Variants in DAW1 observed in about 807,000 individuals in gnomAD.
DAW1 encodes dynein assembly factor with WD repeat domains 1.
A neutral mutation model predicts 56.5 loss-of-function variants in DAW1; 47 were observed. The observed-to-expected ratio is 0.83, with a 90% confidence interval of 0.66 to 1.06. The LOEUF is 1.06. Ranked by LOEUF, DAW1 falls within the 50% of genes least tolerant of loss-of-function variation. The pLI, the probability that DAW1 is intolerant of heterozygous loss-of-function variation, is 0.00. For missense variants in DAW1, 505 were observed against 499.3 expected, an observed-to-expected ratio of 1.01 and a Z score of -0.11; for synonymous variants, 190 against 179.0, an observed-to-expected ratio of 1.06 and a Z score of -0.49.
chr2:227,887,136 T>A (rs557658937), intron 2 of DAW1, among the ~76,000 whole-genome samples: 4 of 152,312 alleles, frequency 2.6e-5, no homozygotes, highest in Non-Finnish European at 5.9e-5. Context: ...TGATGGTCTA[T>A]GTAGGGTCCA....
At chr2:227,891,986 A>G (rs1447196312) in intron 4 of DAW1, among the ~76,000 whole-genome samples, 3 of 152,036 alleles carry the variant, frequency 2.0e-5, no homozygotes, top group South Asian at 4.1e-4. Context: ...TTTGCTGGCA[A>G]TCTTTGGTGT....
At chr2:227,895,942 G>A (rs1450912950) in intron 5 of DAW1, among the ~76,000 whole-genome samples, 2 of 151,974 alleles carry the variant, frequency 1.3e-5, no homozygotes, top group African/African-American at 2.4e-5. Flanking sequence ...CTTGGGAAGG[G>A]GCAGGAAGAA....
chr2:227,871,673 G>A lies in DAW1; in HGVS notation c.-17G>A. 1 of 1,613,038 alleles carries A rather than the reference G, an allele frequency of 6.2e-7. No individual in the cohort carries two copies. Among genetic ancestry groups the A allele is most frequent in the Non-Finnish European group, 8.5e-7 (1 of 1,179,530 alleles). ...AAGGCTACGAAGCCCATCGGCCGGG[G>A]ATAAGAGAGCAAGAAAATGAAGCTC... On this transcript the variant is annotated 5_prime_UTR_variant, in exon 1 of 13. Coordinates refer to ENST00000309931, the MANE Select transcript of DAW1 (RefSeq NM_178821.3).
intron 11 of DAW1, 68 bp from the exon 12 acceptor site, chr2:227,921,331 T>TGTTTTAAAAAAA: frequency 3.4e-6 from 1 of 295,578 alleles, no homozygotes; most frequent in Non-Finnish European, 5.3e-6. Context: ...TTTTTTTTTT[T>TGTTTTAAAAAAA]TTGCTGATAA....
At chr2:227,923,218 T>C (rs548962750) in intron 12 of DAW1, among the ~76,000 whole-genome samples, 2 of 152,334 alleles carry the variant, frequency 1.3e-5, no homozygotes, top group African/African-American at 4.8e-5. Flanking sequence ...GAGCAGTCAC[T>C]TTATTTGAAA....
At chr2:227,909,161 C>A (rs1691757510) in intron 10 of DAW1, among the ~76,000 whole-genome samples, 4 of 151,390 alleles carry the variant, frequency 2.6e-5, no homozygotes, top group Non-Finnish European at 5.9e-5. Context: ...AGTATTTATA[C>A]CTCATTGCCC....
At chr2:227,898,635 A>G (rs1207224350) in intron 6 of DAW1, among the ~76,000 whole-genome samples, 1 of 151,952 alleles carries the variant, frequency 6.6e-6, no homozygotes, top group African/African-American at 2.4e-5. Flanking sequence ...ATTATATTTT[A>G]TGTTGCTGTT....
At chr2:227,886,589 C>T (rs1691135943) in intron 2 of DAW1, among the ~76,000 whole-genome samples, 1 of 152,112 alleles carries the variant, frequency 6.6e-6, no homozygotes, top group African/African-American at 2.4e-5. Flanking sequence ...TGTACTCCAA[C>T]ATGGGTGACA....
chr2:227,912,490 C>T, intron 10 of DAW1: 1 of 1,300,288 alleles, frequency 7.7e-7, no homozygotes, highest in Non-Finnish European at 1.0e-6. Context: ...TGCTGTGTTC[C>T]TTATCTTCTT....
intron 10 of DAW1, chr2:227,912,188 G>A: frequency 2.7e-6 from 1 of 371,800 alleles, no homozygotes; most frequent in Non-Finnish European, 5.2e-6. Context: ...CATCTCCATG[G>A]TCAACATGTA....
intron 5 of DAW1, among the ~76,000 whole-genome samples, chr2:227,894,816 G>A (rs1043970718): frequency 1.3e-5 from 2 of 152,146 alleles, no homozygotes; most frequent in Non-Finnish European, 1.5e-5. Flanking sequence ...GAACATACCC[G>A]CCGGAATGGG....
chr2:227,898,894 G>T (rs1172577173), intron 6 of DAW1, among the ~76,000 whole-genome samples: 1 of 152,062 alleles, frequency 6.6e-6, no homozygotes, highest in Non-Finnish European at 1.5e-5. Context: ...TTAAAGTACT[G>T]ACTCAATGAG....
intron 1 of DAW1, among the ~76,000 whole-genome samples, chr2:227,878,622 T>A (rs546071205): frequency 1.5e-4 from 23 of 152,098 alleles, no homozygotes; most frequent in African/African-American, 1.9e-4. Context: ...CTCAAGAAAA[T>A]GAGGCAGAAG....
intron 6 of DAW1, among the ~76,000 whole-genome samples, chr2:227,898,924 AC>A (rs1301069780): frequency 6.6e-6 from 1 of 152,164 alleles, no homozygotes; most frequent in African/African-American, 2.4e-5. Context: ...AGTTATGAAA[AC>A]AGTTTTTAAA....
intron 1 of DAW1, among the ~76,000 whole-genome samples, chr2:227,875,077 T>A (rs1272628486): frequency 6.6e-6 from 1 of 152,194 alleles, no homozygotes. Flanking sequence ...GTACATCTCA[T>A]GTGGGGGTCT....
intron 11 of DAW1, among the ~76,000 whole-genome samples, chr2:227,920,866 G>C (rs1188847470): frequency 6.6e-6 from 1 of 152,038 alleles, no homozygotes; most frequent in Non-Finnish European, 1.5e-5. Flanking sequence ...TTTTAGTAGC[G>C]ACGGGGTTTC....
At chr2:227,891,963 T>C (rs1378882310) in intron 4 of DAW1, among the ~76,000 whole-genome samples, 3 of 152,128 alleles carry the variant, frequency 2.0e-5, no homozygotes, top group Non-Finnish European at 2.9e-5. Flanking sequence ...ACAGCTCCTG[T>C]AGCTTCTGGT....
chr2:227,911,838 A>AT (rs1393658523), intron 10 of DAW1, among the ~76,000 whole-genome samples: 1 of 152,100 alleles, frequency 6.6e-6, no homozygotes, highest in African/African-American at 2.4e-5. Context: ...TCCACATGTG[A>AT]TGCTATCTTA....
At chr2:227,892,848 TAGAA>T (rs1223519439) in intron 4 of DAW1, among the ~76,000 whole-genome samples, 1 of 152,362 alleles carries the variant, frequency 6.6e-6, no homozygotes, top group African/African-American at 2.4e-5. Flanking sequence ...AGAGATATTT[TAGAA>T]AGAAAGTCTC....
Sources: allele counts gnomAD v4.1 joint callset (sites outside exome capture counted in the v4.1 genomes callset), GRCh38; gene constraint gnomAD v4.1.1; transcripts MANE v1.5; gene names NCBI Gene and HGNC (gene_info 2026-07-23, HGNC 2026-07-21).